CNTNAP2: variants seen among roughly 807,000 people sequenced by gnomAD.
CNTNAP2 encodes the protein contactin-associated protein-like 2.
Under a neutral mutation model 155.2 loss-of-function variants are expected in CNTNAP2, and 98 were observed. The ratio of observed to expected loss-of-function variants is 0.63; its 90% CI spans 0.54 to 0.75. The LOEUF is 0.75. Ranked by LOEUF, CNTNAP2 falls within the 30% of genes least tolerant of loss-of-function variation. The pLI is 0.00. For missense variants in CNTNAP2, 1,727 were observed against 1,688.1 expected, an observed-to-expected ratio of 1.02 and a Z score of -0.40; for synonymous variants, 651 against 631.2, an observed-to-expected ratio of 1.03 and a Z score of -0.47.
chr7:146,477,848 A>G (rs1323163197), intron 1 of CNTNAP2, among the ~76,000 whole-genome samples: 1 of 152,170 alleles, frequency 6.6e-6, no homozygotes, highest in African/African-American at 2.4e-5. Context: ...ATTAAATGAG[A>G]TAAGGGTCAG....
At chr7:146,766,864 C>T (rs933508864) in intron 1 of CNTNAP2, among the ~76,000 whole-genome samples, 3 of 151,948 alleles carry the variant, frequency 2.0e-5, no homozygotes, top group African/African-American at 7.3e-5. Context: ...CCCTATAACA[C>T]TGGGCTTTGT....
At chr7:147,001,153 C>T (rs1178673410) in intron 3 of CNTNAP2, among the ~76,000 whole-genome samples, 1 of 152,004 alleles carries the variant, frequency 6.6e-6, no homozygotes, top group Non-Finnish European at 1.5e-5. Flanking sequence ...TCCGTTCTAC[C>T]TTTTTTGGTG....
intron 5 of CNTNAP2, 75 bp downstream of exon 5, chr7:147,108,425 C>A (rs976751102): frequency 1.2e-5 from 15 of 1,246,960 alleles, no homozygotes; most frequent in Non-Finnish European, 1.6e-5. Context: ...TTGCTCAATT[C>A]TTTAAAATGT....
At chr7:146,335,667 T>C (rs1563043821) in intron 1 of CNTNAP2, among the ~76,000 whole-genome samples, 1 of 152,114 alleles carries the variant, frequency 6.6e-6, no homozygotes, top group Non-Finnish European at 1.5e-5. Flanking sequence ...TTAAAAAAAG[T>C]CTCCCTTTTA....
intron 20 of CNTNAP2, among the ~76,000 whole-genome samples, chr7:148,244,216 G>A (rs1189019201): frequency 6.6e-6 from 1 of 152,186 alleles, no homozygotes; most frequent in Non-Finnish European, 1.5e-5. Context: ...TTGGAGAGCT[G>A]TATGTCATCA....
intron 3 of CNTNAP2, among the ~76,000 whole-genome samples, chr7:146,854,800 G>A (rs1438284960): frequency 6.6e-6 from 1 of 152,124 alleles, no homozygotes; most frequent in East Asian, 1.9e-4. Flanking sequence ...TGTGCAGTTG[G>A]CATGCACAGG....
At chr7:148,412,767 C>T (rs905846088) in intron 23 of CNTNAP2, among the ~76,000 whole-genome samples, 18 of 152,040 alleles carry the variant, frequency 1.2e-4, no homozygotes, top group African/African-American at 3.6e-4. Flanking sequence ...TGCATTGTTC[C>T]CTATGTTAGG....
intron 1 of CNTNAP2, among the ~76,000 whole-genome samples, chr7:146,674,512 TAAA>T (rs61430734): frequency 0.029 from 4,384 of 150,136 alleles, 97 homozygotes; most frequent in East Asian, 0.11. Flanking sequence ...AAAAAAAAAT[TAAA>T]AAAAAAAGCA....
chr7:147,298,372 C>T (rs946651701), intron 8 of CNTNAP2, among the ~76,000 whole-genome samples: 3 of 151,588 alleles, frequency 2.0e-5, no homozygotes, highest in Admixed American at 6.6e-5. Flanking sequence ...TGCAGTGAGC[C>T]GAGATCCCGT....
intron 1 of CNTNAP2, among the ~76,000 whole-genome samples, chr7:146,538,305 A>G (rs1797900766): frequency 6.6e-6 from 1 of 152,112 alleles, no homozygotes; most frequent in Non-Finnish European, 1.5e-5. Context: ...AACAATGAGC[A>G]TTGATTTCTT....
At position 146,176,048 on chromosome 7, in the gene CNTNAP2, T is replaced by G. The variant is rs147493247; in HGVS notation, c.97+59075T>G. ...CAGTTATTGCTACCCTTGGGGAAAT[T>G]TACATACACTATAAATAGAAATATA... On this transcript the variant is annotated intron_variant, in intron 1 of 23. Transcript: ENST00000361727. Among the ~76,000 whole-genome samples the G allele has an allele frequency of 9.0e-3, 1,372 of 152,262 alleles. 16 individuals carry two copies. The highest frequency in any genetic ancestry group is 0.03 in the African/African-American group (1,230 of 41,556).
At chr7:147,614,823 C>T (rs1056244249) in intron 12 of CNTNAP2, among the ~76,000 whole-genome samples, 1 of 151,726 alleles carries the variant, frequency 6.6e-6, no homozygotes, top group Admixed American at 6.6e-5. Context: ...CTATATAGCT[C>T]ATTTTATTGA....
At chr7:146,571,270 T>C (rs1284002188) in intron 1 of CNTNAP2, among the ~76,000 whole-genome samples, 3 of 152,044 alleles carry the variant, frequency 2.0e-5, no homozygotes, top group Admixed American at 1.3e-4. Context: ...AGTATTATAA[T>C]AGGGGATCTC....
At chr7:147,573,816 A>C (rs1222543025) in intron 12 of CNTNAP2, among the ~76,000 whole-genome samples, 2 of 152,136 alleles carry the variant, frequency 1.3e-5, no homozygotes, top group Non-Finnish European at 2.9e-5. Context: ...ATTGGAATGC[A>C]TGATTTTTAT....
chr7:146,246,079 G>A lies in CNTNAP2; in HGVS notation c.97+129106G>A, dbSNP rs1031436962. 6.7e-4 allele frequency among the ~76,000 whole-genome samples: 102 copies of A among 152,026 alleles called. 8 individuals are homozygous for A. The highest frequency in any genetic ancestry group is 1.5e-5 in the Non-Finnish European group (1 of 68,022). On this transcript the variant is annotated intron_variant, in intron 1 of 23. Transcript: ENST00000361727. ...GCTTTAAAAGGCCATGCTGTAGCAG[G>A]CAAGTGATAGCAGGCTTTAATCCTT...
At chr7:147,970,410 T>C (rs995921367) in intron 14 of CNTNAP2, among the ~76,000 whole-genome samples, 3 of 152,100 alleles carry the variant, frequency 2.0e-5, no homozygotes, top group Non-Finnish European at 4.4e-5. Context: ...TTGAGGATGA[T>C]TGTTAGGAGG....
At chr7:147,549,145 A>G (rs1165938699) in intron 11 of CNTNAP2, among the ~76,000 whole-genome samples, 1 of 152,082 alleles carries the variant, frequency 6.6e-6, no homozygotes, top group African/African-American at 2.4e-5. Context: ...AAGAATGTCA[A>G]TGGTAGTTTG....
At chr7:148,087,579 T>A (rs1327284679) in intron 15 of CNTNAP2, among the ~76,000 whole-genome samples, 1 of 152,160 alleles carries the variant, frequency 6.6e-6, no homozygotes, top group Non-Finnish European at 1.5e-5. Flanking sequence ...AGGAATCTCT[T>A]TAACTTGACT....
intron 14 of CNTNAP2, among the ~76,000 whole-genome samples, chr7:147,932,178 GC>G (rs1253590037): frequency 1.3e-5 from 2 of 152,230 alleles, no homozygotes; most frequent in African/African-American, 4.8e-5. Context: ...GAGCCACTGT[GC>G]CCGCCCCAGC....
Sources: gnomAD v4.1 joint callset for allele counts (sites outside exome capture counted in the v4.1 genomes callset) on GRCh38, gnomAD v4.1.1 for gene constraint, MANE v1.5 for transcripts, NCBI Gene and HGNC (gene_info 2026-07-23, HGNC 2026-07-21) for gene names.